Variants in CREB5 observed in about 807,000 individuals in gnomAD.
CREB5 encodes the protein cyclic AMP-responsive element-binding protein 5.
A neutral mutation model predicts 57.1 loss-of-function variants in CREB5; 19 were observed. The ratio of observed to expected loss-of-function variants is 0.33; its 90% CI spans 0.23 to 0.49. The LOEUF (loss-of-function observed/expected upper bound fraction) is 0.49, where lower values mean the gene tolerates loss of function less well. Ranked by LOEUF, CREB5 falls within the 20% of genes least tolerant of loss-of-function variation. The probability of loss-of-function intolerance (pLI) is 0.99; values close to 1 mark genes in which losing one functional copy is unlikely to be tolerated. For missense variants in CREB5, 579 were observed against 671.6 expected (o/e 0.86, Z 1.52); for synonymous variants, 238 against 238.3 (o/e 1.00, Z 0.01).
intron 1 of CREB5, among the ~76,000 whole-genome samples, chr7:28,396,394 C>T (rs1787335302): frequency 6.6e-6 from 1 of 152,024 alleles, no homozygotes; most frequent in South Asian, 2.1e-4. Context: ...TATTTTTGCA[C>T]CTGTTGGGGA....
chr7:28,380,177 C>T (rs1036622581), intron 1 of CREB5, among the ~76,000 whole-genome samples: 1 of 152,188 alleles, frequency 6.6e-6, no homozygotes, highest in African/African-American at 2.4e-5. Context: ...ACCCTAAGGA[C>T]GTCTGGTCTG....
intron 5 of CREB5, among the ~76,000 whole-genome samples, chr7:28,580,639 G>T (rs529486195): frequency 6.6e-6 from 1 of 151,352 alleles, no homozygotes; most frequent in South Asian, 2.1e-4. Context: ...GTGAAACTTT[G>T]GCTACCCCAC....
At position 28,761,366 on chromosome 7, in the gene CREB5, T is replaced by A. The variant is rs190143420; in HGVS notation, c.702+37034T>A. Among the ~76,000 whole-genome samples, 219 of 152,278 alleles carry A rather than the reference T, an allele frequency of 1.4e-3. 2 individuals are homozygous for A. The highest frequency in any genetic ancestry group is 1.9e-4 in the Non-Finnish European group (13 of 68,032). On this transcript the variant is annotated intron_variant, in intron 7 of 10. Transcript: ENST00000357727. ...CAACTGTAAATTGCGGGTGTCGGAG[T>A]GAAGGTCTCAAGATCCTTCTTGTTC...
intron 2 of CREB5, among the ~76,000 whole-genome samples, chr7:28,489,522 C>T (rs1054243785): frequency 7.2e-5 from 11 of 151,916 alleles, no homozygotes; most frequent in African/African-American, 2.2e-4. Flanking sequence ...AGTATGGTCT[C>T]GATCTCCTGA....
At chr7:28,748,722 G>T (rs1463525988) in intron 7 of CREB5, among the ~76,000 whole-genome samples, 1 of 152,202 alleles carries the variant, frequency 6.6e-6, no homozygotes. Context: ...CGGCATGCCA[G>T]TGAGGAAAAG....
chr7:28,562,673 A>G (rs2128643866), intron 4 of CREB5, among the ~76,000 whole-genome samples: 1 of 152,362 alleles, frequency 6.6e-6, no homozygotes, highest in East Asian at 1.9e-4. Flanking sequence ...TGCATGCAGC[A>G]TGACTTTTAG....
chr7:28,765,228 G>T (rs1472031765), intron 7 of CREB5, among the ~76,000 whole-genome samples: 1 of 152,162 alleles, frequency 6.6e-6, no homozygotes, highest in Non-Finnish European at 1.5e-5. Flanking sequence ...GGTGATGGTG[G>T]ATATATTCAC....
chr7:28,745,510 A>C (rs1383515802), intron 7 of CREB5, among the ~76,000 whole-genome samples: 2 of 152,206 alleles, frequency 1.3e-5, no homozygotes, highest in Non-Finnish European at 2.9e-5. Flanking sequence ...GAATATGCTG[A>C]GGTCTTTGGC....
chr7:28,437,653 G>T (rs1356393347), intron 1 of CREB5, among the ~76,000 whole-genome samples: 2 of 152,150 alleles, frequency 1.3e-5, no homozygotes, highest in African/African-American at 2.4e-5. Flanking sequence ...TTAAGGTGTA[G>T]TTAGTACTAT....
At chr7:28,699,805 C>G (rs1391724846) in intron 5 of CREB5, among the ~76,000 whole-genome samples, 1 of 151,962 alleles carries the variant, frequency 6.6e-6, no homozygotes, top group African/African-American at 2.4e-5. Context: ...TTTTTTCGCT[C>G]TGAAAAATAC....
chr7:28,472,970 A>G (rs1486448394), intron 1 of CREB5, among the ~76,000 whole-genome samples: 1 of 151,920 alleles, frequency 6.6e-6, no homozygotes, highest in East Asian at 1.9e-4. Context: ...TTCTGCCTGG[A>G]CCACCCTCCC....
At chr7:28,543,977 G>C (rs1446623305) in intron 4 of CREB5, among the ~76,000 whole-genome samples, 1 of 150,142 alleles carries the variant, frequency 6.7e-6, no homozygotes, top group Non-Finnish European at 1.5e-5. Context: ...CATTAAATGA[G>C]ATGATTATTT....
chr7:28,560,879 C>CGT (rs1215492156), intron 4 of CREB5, among the ~76,000 whole-genome samples: 736 of 22,020 alleles, frequency 0.033, 119 homozygotes, highest in East Asian at 0.1. Context: ...CGTGCGCGTG[C>CGT]GTGCGTGCGT....
chr7:28,769,685 C>T (rs1484425904), intron 7 of CREB5, among the ~76,000 whole-genome samples: 1 of 152,094 alleles, frequency 6.6e-6, no homozygotes, highest in East Asian at 1.9e-4. Flanking sequence ...TCCTTGGGTA[C>T]CTGACTGAAA....
intron 1 of CREB5, among the ~76,000 whole-genome samples, chr7:28,321,123 G>C (rs1785488429): frequency 6.6e-6 from 1 of 152,180 alleles, no homozygotes; most frequent in African/African-American, 2.4e-5. Flanking sequence ...AAACACGCTA[G>C]AGCATGTAAA....
At chr7:28,314,930 G>T (rs970322943) in intron 1 of CREB5, among the ~76,000 whole-genome samples, 6 of 152,176 alleles carry the variant, frequency 3.9e-5, no homozygotes, top group Non-Finnish European at 8.8e-5. Context: ...GTTCAACTTT[G>T]TTTAATGTAG....
intron 4 of CREB5, among the ~76,000 whole-genome samples, chr7:28,548,732 A>G (rs1019559449): frequency 6.6e-6 from 1 of 152,216 alleles, no homozygotes; most frequent in Admixed American, 6.5e-5. Flanking sequence ...CTAAGGGCCA[A>G]TTAGCCCGAA....
intron 5 of CREB5, among the ~76,000 whole-genome samples, chr7:28,584,936 C>T (rs993586111): frequency 1.1e-4 from 16 of 152,106 alleles, no homozygotes; most frequent in Non-Finnish European, 1.9e-4. Context: ...GGTGAGATGC[C>T]CCCAGTTCTT....
intron 4 of CREB5, among the ~76,000 whole-genome samples, chr7:28,560,911 T>TGTGTGCGC (rs1554344471): frequency 5.5e-5 from 2 of 36,056 alleles, no homozygotes; most frequent in South Asian, 1.4e-3. Flanking sequence ...CGCGCGTGCG[T>TGTGTGCGC]GTGCGTGTGT....
Sources: allele counts gnomAD v4.1 joint callset (sites outside exome capture counted in the v4.1 genomes callset), GRCh38; gene constraint gnomAD v4.1.1; transcripts MANE v1.5; gene names NCBI Gene and HGNC (gene_info 2026-07-23, HGNC 2026-07-21).